Variants in RBFOX1 observed in about 807,000 individuals in gnomAD.
RBFOX1 encodes RNA binding fox-1 homolog 1, also known as RNA binding protein fox-1 homolog 1.
RBFOX1 carries 8 observed loss-of-function variants against 57.7 expected under a neutral mutation model. That is an observed-to-expected ratio of 0.14 (90% CI 0.08 to 0.25). The LOEUF is 0.25. Ranked by LOEUF, RBFOX1 falls within the 10% of genes least tolerant of loss-of-function variation. RBFOX1 has a pLI of 1.00. For synonymous variants in RBFOX1, 326 were observed against 222.4 expected (o/e 1.47, Z -4.15); for missense variants, 611 against 548.5 (o/e 1.11, Z -1.14).
chr16:7,075,734 C>T (rs981871459), intron 4 of RBFOX1, among the ~76,000 whole-genome samples: 1 of 152,080 alleles, frequency 6.6e-6, no homozygotes, highest in African/African-American at 2.4e-5. Context: ...GTGCCTGCCA[C>T]CACGCTCGGC....
intron 2 of RBFOX1, among the ~76,000 whole-genome samples, chr16:6,401,247 A>G (rs999678225): frequency 2.0e-5 from 3 of 152,214 alleles, no homozygotes. Context: ...CACTGGCCAG[A>G]TCTGGGATAA....
chr16:6,505,941 A>T (rs2096076513), intron 2 of RBFOX1, among the ~76,000 whole-genome samples: 1 of 152,210 alleles, frequency 6.6e-6, no homozygotes, highest in African/African-American at 2.4e-5. Flanking sequence ...GGGTCAGGAG[A>T]GGAGGTTAGT....
intron 2 of RBFOX1, among the ~76,000 whole-genome samples, chr16:6,628,531 C>T (rs2098340192): frequency 1.3e-5 from 2 of 152,114 alleles, no homozygotes; most frequent in South Asian, 4.1e-4. Context: ...CTTATATATC[C>T]ATCACTTCAT....
intron 4 of RBFOX1, among the ~76,000 whole-genome samples, chr16:7,303,655 C>G (rs1411412244): frequency 2.6e-5 from 4 of 152,110 alleles, no homozygotes; most frequent in African/African-American, 9.7e-5. Flanking sequence ...ACCCATTTGA[C>G]AAATGAGGAG....
intron 1 of RBFOX1, among the ~76,000 whole-genome samples, chr16:6,207,146 T>C (rs1410019756): frequency 6.6e-6 from 1 of 152,202 alleles, no homozygotes; most frequent in Admixed American, 6.5e-5. Context: ...CCCATGACAG[T>C]GATCAAAATT....
intron 4 of RBFOX1, among the ~76,000 whole-genome samples, chr16:7,353,016 C>T (rs1195978078): frequency 1.3e-5 from 2 of 152,120 alleles, no homozygotes; most frequent in African/African-American, 2.4e-5. Flanking sequence ...GCACCCAGCC[C>T]ATACCACTTT....
chr16:6,581,149 G>T (rs551855414), intron 2 of RBFOX1, among the ~76,000 whole-genome samples: 11 of 152,210 alleles, frequency 7.2e-5, no homozygotes, highest in African/African-American at 2.6e-4. Flanking sequence ...GGGACAACCA[G>T]AGTCTAATGA....
At position 6,041,339 on chromosome 16, in the gene RBFOX1, G is replaced by T. The variant is rs12927643; in HGVS notation, c.-127+21347G>T. On this transcript the variant is annotated intron_variant, in intron 1 of 15. Transcript: ENST00000550418. ...GTGCTTCACTACTTAAAAAGCTGGGGTGGTGGGGAGAGGAGATATCAAAGA... is the reference window on the plus strand; with the variant it reads ...GTGCTTCACTACTTAAAAAGCTGGGTTGGTGGGGAGAGGAGATATCAAAGA... Among the ~76,000 whole-genome samples, 405 of 152,248 alleles carry T rather than the reference G, an allele frequency of 2.7e-3. 3 individuals carry two copies. Among genetic ancestry groups the T allele is most frequent in the Non-Finnish European group, 2.8e-3 (188 of 68,022 alleles).
chr16:6,460,164 G>T (rs2094882706), intron 2 of RBFOX1, among the ~76,000 whole-genome samples: 1 of 151,946 alleles, frequency 6.6e-6, no homozygotes, highest in Non-Finnish European at 1.5e-5. Flanking sequence ...TAGTTCTGGA[G>T]GCTGGACATC....
chr16:5,363,519 G>A (rs1048177177), intron 1 of RBFOX1, among the ~76,000 whole-genome samples: 1 of 152,150 alleles, frequency 6.6e-6, no homozygotes, highest in African/African-American at 2.4e-5. Context: ...AGGACTTCCA[G>A]GCAGGCTCTT....
intron 1 of RBFOX1, among the ~76,000 whole-genome samples, chr16:6,090,556 A>T (rs1218719219): frequency 1.3e-5 from 2 of 152,246 alleles, no homozygotes; most frequent in Non-Finnish European, 2.9e-5. Context: ...GATCAAAGGC[A>T]GTGGGAAAAA....
intron 1 of RBFOX1, among the ~76,000 whole-genome samples, chr16:6,068,168 C>T (rs59891994): frequency 0.034 from 5,230 of 152,192 alleles, 175 homozygotes; most frequent in South Asian, 0.12. Context: ...GTTTCTTATA[C>T]GTCTGCTCCC....
At chr16:7,535,197 G>A (rs533788639) in intron 5 of RBFOX1, among the ~76,000 whole-genome samples, 6 of 152,142 alleles carry the variant, frequency 3.9e-5, no homozygotes, top group Non-Finnish European at 7.4e-5. Context: ...ACACCGTAAT[G>A]TATTGGATTA....
chr16:7,670,189 G>A (rs573450926), intron 13 of RBFOX1, among the ~76,000 whole-genome samples: 4 of 152,100 alleles, frequency 2.6e-5, no homozygotes, highest in South Asian at 2.1e-4. Flanking sequence ...GCACCACGAC[G>A]CCTGGCTAAT....
intron 3 of RBFOX1, among the ~76,000 whole-genome samples, chr16:6,736,455 A>G (rs1453131591): frequency 6.6e-6 from 1 of 152,168 alleles, no homozygotes; most frequent in Non-Finnish European, 1.5e-5. Context: ...ATAGTCTCTA[A>G]TCTCATCCAT....
chr16:7,666,224 C>G (rs1469977910), intron 13 of RBFOX1, among the ~76,000 whole-genome samples: 3 of 152,132 alleles, frequency 2.0e-5, no homozygotes, highest in Non-Finnish European at 4.4e-5. Context: ...GCTCTCGACT[C>G]CATGCAGCCC....
In RBFOX1 at chr16:6,317,052, C is replaced by A. The variant is rs192543900; in HGVS notation, c.-69C>A. On this transcript the variant is annotated 5_prime_UTR_variant, in exon 2 of 16. Transcript: ENST00000550418. ...TTACAGCTTCCTTGATCGGACTCAG[C>A]ATTCAGTAAGTGCAACCCATTTTGA... is the stretch of plus-strand genomic sequence containing the variant. 4.6e-6 allele frequency: 7 copies of A among 1,535,020 alleles called. No individual in the cohort carries two copies. Among genetic ancestry groups the A allele is most frequent in the Non-Finnish European group, 6.1e-6 (7 of 1,146,040 alleles).
At chr16:7,578,362 A>C (rs1192275057) in intron 5 of RBFOX1, among the ~76,000 whole-genome samples, 1 of 152,208 alleles carries the variant, frequency 6.6e-6, no homozygotes, top group East Asian at 1.9e-4. Context: ...GCTGAAGTCA[A>C]CTGGTAGGTC....
At chr16:7,281,862 T>C (rs1568019217) in intron 4 of RBFOX1, among the ~76,000 whole-genome samples, 1 of 152,130 alleles carries the variant, frequency 6.6e-6, no homozygotes, top group Non-Finnish European at 1.5e-5. Flanking sequence ...TTTCCTTTTA[T>C]TTTTGTTTTC....
Sources: gnomAD v4.1 joint callset for allele counts (sites outside exome capture counted in the v4.1 genomes callset) on GRCh38, gnomAD v4.1.1 for gene constraint, MANE v1.5 for transcripts, NCBI Gene and HGNC (gene_info 2026-07-23, HGNC 2026-07-21) for gene names.